The following ADAMTSL1 variants were observed in gnomAD, a reference collection of about 807,000 sequenced individuals.
ADAMTSL1 encodes the protein ADAMTS like 1, also known as ADAMTS-like protein 1.
A neutral mutation model predicts 201.8 loss-of-function variants in ADAMTSL1; 126 were observed. The ratio of observed to expected loss-of-function variants is 0.62; its 90% confidence interval spans 0.54 to 0.72. The LOEUF (loss-of-function observed/expected upper bound fraction) is 0.72, where lower values mean the gene tolerates loss of function less well. ADAMTSL1 is among the 30% of genes least tolerant of loss of function. The probability of loss-of-function intolerance (pLI) is 0.00; values close to 1 mark genes in which losing one functional copy is unlikely to be tolerated. For missense variants in ADAMTSL1, 2,679 were observed against 2,277.8 expected (o/e 1.18, Z -3.59); for synonymous variants, 1,121 against 903.4 (o/e 1.24, Z -4.32).
At chr9:18,258,075 G>A (rs546783044) in intron 2 of ADAMTSL1, among the ~76,000 whole-genome samples, 11 of 152,270 alleles carry the variant, frequency 7.2e-5, no homozygotes, top group African/African-American at 2.4e-4. Flanking sequence ...ATGAACGTAC[G>A]TAAAGCTGCT....
intron 23 of ADAMTSL1, among the ~76,000 whole-genome samples, chr9:18,849,336 AT>A (rs1481383080): frequency 6.6e-6 from 1 of 152,024 alleles, no homozygotes; most frequent in African/African-American, 2.4e-5. Flanking sequence ...TATAGCCTGG[AT>A]TTTTCTTGTA....
At chr9:18,733,923 T>C (rs1317199879) in intron 15 of ADAMTSL1, among the ~76,000 whole-genome samples, 2 of 142,256 alleles carry the variant, frequency 1.4e-5, no homozygotes, top group African/African-American at 2.6e-5. Context: ...TTCATTCAAC[T>C]CAACTCAGCT....
chr9:18,652,203 C>G (rs902408788), intron 7 of ADAMTSL1, among the ~76,000 whole-genome samples: 1 of 151,870 alleles, frequency 6.6e-6, no homozygotes, highest in Non-Finnish European at 1.5e-5. Context: ...GAAACCCCAT[C>G]TCTACTAAAA....
intron 13 of ADAMTSL1, among the ~76,000 whole-genome samples, chr9:18,685,325 C>T (rs1269774544): frequency 1.3e-5 from 2 of 152,174 alleles, no homozygotes; most frequent in Non-Finnish European, 2.9e-5. Flanking sequence ...TCAATTTTAT[C>T]AAGTCCATGG....
chr9:18,007,709 A>C (rs1311471120), intron 1 of ADAMTSL1, among the ~76,000 whole-genome samples: 1 of 151,906 alleles, frequency 6.6e-6, no homozygotes, highest in East Asian at 1.9e-4. Flanking sequence ...GTGAAGGGGG[A>C]AGCAGAGAAG....
intron 14 of ADAMTSL1, among the ~76,000 whole-genome samples, chr9:18,714,230 G>C (rs1243034486): frequency 1.3e-5 from 2 of 151,028 alleles, no homozygotes; most frequent in Non-Finnish European, 3.0e-5. Flanking sequence ...GCTAGCAGAA[G>C]GCAAGAAATA....
chr9:18,578,241 C>A (rs1822864560), intron 4 of ADAMTSL1, among the ~76,000 whole-genome samples: 1 of 152,140 alleles, frequency 6.6e-6, no homozygotes, highest in African/African-American at 2.4e-5. Context: ...AGCTGTAATT[C>A]TGTCATTAAT....
chr9:18,304,018 A>G (rs2132745358), intron 2 of ADAMTSL1, among the ~76,000 whole-genome samples: 1 of 152,252 alleles, frequency 6.6e-6, no homozygotes, highest in East Asian at 1.9e-4. Context: ...GCACCAATAA[A>G]ATGCATTTAA....
At chr9:18,294,075 G>A (rs1364179655) in intron 2 of ADAMTSL1, among the ~76,000 whole-genome samples, 1 of 152,114 alleles carries the variant, frequency 6.6e-6, no homozygotes, top group Non-Finnish European at 1.5e-5. Context: ...CTGTGCTGAG[G>A]TTTTCATTAT....
chr9:18,679,232 A>C (rs920370724), intron 10 of ADAMTSL1, among the ~76,000 whole-genome samples: 2 of 152,196 alleles, frequency 1.3e-5, no homozygotes, highest in Non-Finnish European at 2.9e-5. Flanking sequence ...AATTTTAACT[A>C]TTCAAATGGA....
intron 1 of ADAMTSL1, among the ~76,000 whole-genome samples, chr9:18,074,519 C>A (rs1426408311): frequency 7.2e-6 from 1 of 139,798 alleles, no homozygotes; most frequent in East Asian, 2.0e-4. Context: ...TTCTTCTTTT[C>A]TTTTCTTTTC....
At chr9:18,275,434 T>C (rs1832547224) in intron 2 of ADAMTSL1, among the ~76,000 whole-genome samples, 1 of 152,138 alleles carries the variant, frequency 6.6e-6, no homozygotes, top group Non-Finnish European at 1.5e-5. Context: ...GTCATCCAAC[T>C]ATCACCAACC....
At chr9:18,144,331 G>C (rs1447985233) in intron 1 of ADAMTSL1, among the ~76,000 whole-genome samples, 1 of 151,876 alleles carries the variant, frequency 6.6e-6, no homozygotes, top group Non-Finnish European at 1.5e-5. Flanking sequence ...TCAGCTTCCT[G>C]GGTAGCTGGG....
intron 20 of ADAMTSL1, among the ~76,000 whole-genome samples, chr9:18,816,720 C>CTT (rs751791974): frequency 0.021 from 830 of 39,782 alleles, 155 homozygotes; most frequent in African/African-American, 0.031. Context: ...AACCCTTGGT[C>CTT]TTTTTTTTTT....
chr9:18,556,668 T>C (rs954367280), intron 3 of ADAMTSL1, among the ~76,000 whole-genome samples: 2 of 151,964 alleles, frequency 1.3e-5, no homozygotes, highest in East Asian at 3.9e-4. Context: ...ATGTCCATGC[T>C]CCAAGATCAA....
intron 1 of ADAMTSL1, among the ~76,000 whole-genome samples, chr9:17,920,776 C>G (rs568736255): frequency 6.6e-6 from 1 of 152,196 alleles, no homozygotes; most frequent in East Asian, 1.9e-4. Flanking sequence ...GCTATACGGT[C>G]TTTGTCCTAA....
At chr9:18,237,282 C>G (rs997494113) in intron 2 of ADAMTSL1, among the ~76,000 whole-genome samples, 3 of 152,192 alleles carry the variant, frequency 2.0e-5, no homozygotes, top group Admixed American at 1.3e-4. Context: ...GTTGGCACAT[C>G]TGTTTACCAG....
intron 2 of ADAMTSL1, among the ~76,000 whole-genome samples, chr9:18,281,528 G>A (rs1194745502): frequency 6.6e-6 from 1 of 152,176 alleles, no homozygotes; most frequent in Admixed American, 6.5e-5. Flanking sequence ...ATGAGACCCA[G>A]TCACAAGGGC....
intron 1 of ADAMTSL1, among the ~76,000 whole-genome samples, chr9:17,984,687 G>A (rs987845428): frequency 1.3e-5 from 2 of 152,082 alleles, no homozygotes; most frequent in African/African-American, 2.4e-5. Context: ...ATTACCTTAC[G>A]AAAGGATCCT....
Sources: gnomAD v4.1 joint callset for allele counts (sites outside exome capture counted in the v4.1 genomes callset) on GRCh38, gnomAD v4.1.1 for gene constraint, MANE v1.5 for transcripts, NCBI Gene and HGNC (gene_info 2026-07-23, HGNC 2026-07-21) for gene names.